The following NYNRIN variants were observed in gnomAD, a reference collection of about 807,000 sequenced individuals.
The protein encoded by NYNRIN is protein NYNRIN.
In NYNRIN, 86 loss-of-function variants were observed where a neutral mutation model predicts 146.6. The observed-to-expected ratio is 0.59, with a 90% CI of 0.49 to 0.70. NYNRIN has a LOEUF of 0.70. Ranked by LOEUF, NYNRIN falls within the 30% of genes least tolerant of loss-of-function variation. NYNRIN has a pLI of 0.00. For synonymous variants in NYNRIN, 1,027 were observed against 1,001.3 expected, an observed-to-expected ratio of 1.03 and a Z score of -0.48; for missense variants, 2,191 against 2,377.7, an observed-to-expected ratio of 0.92 and a Z score of 1.63.
Position 24,418,598 on chromosome 14 carries a change from AC to A in NYNRIN, c.*1155del, listed in dbSNP as rs2042964290. 1 of 163,494 alleles carries A rather than the reference AC, an allele frequency of 6.1e-6. No individual in the cohort carries two copies. The highest frequency in any genetic ancestry group is 1.3e-5 in the Non-Finnish European group (1 of 74,700). 10.1% of individuals were successfully genotyped at this position (163,494 alleles called of 1,614,324 possible). On this transcript the variant is annotated 3_prime_UTR_variant, in exon 9 of 9. Transcript: ENST00000382554. ...CTTCCAGGTGTGTGCGCGTACACTC[AC>A]CCTCTGAATTGCTGCCGCTGCCAAG...
rs758838841 is a variant in NYNRIN at position 24,409,827 on chromosome 14, C to G, written c.2033C>G (p.Pro678Arg). ...VPVTPRVSRA[P>R]KTPAAQKVPT... ...GTGACCCCCAGAGTCTCCAGAGCTC[C>G]CAAAACACCTGCAGCTCAGAAGGTG... Residue 678 changes from proline (P) to arginine (R), a missense_variant, in exon 4 of 9, where the codon CCC (proline) becomes CGC (arginine). Pro to Arg is a moderately radical substitution (Grantham distance 103). Around this residue, in one of 3 missense-constraint regions of NYNRIN, gnomAD observed 895 missense variants for 941.2 expected, o/e 0.95. Coordinates refer to ENST00000382554, the MANE Select transcript of NYNRIN (RefSeq NM_025081.3). 1.2e-6 allele frequency: 2 copies of G among 1,613,500 alleles called. No homozygotes were observed. The highest frequency in any genetic ancestry group is 3.3e-5 in the Admixed American group (2 of 59,944).
Position 24,414,889 on chromosome 14 carries a change from C to T in NYNRIN, c.3140C>T (p.Pro1047Leu), listed in dbSNP as rs1226576107. ...CTGCGGTGCCTCAGCCTCCATGATCCCCCTGATGGGGCCCTGGACATCGAC... is the reference window on the plus strand; with the variant it reads ...CTGCGGTGCCTCAGCCTCCATGATCTCCCTGATGGGGCCCTGGACATCGAC... Reference protein sequence around the residue: ...EILRCLSLHDPPDGALDIDLL... With the variant: ...EILRCLSLHDLPDGALDIDLL... The change falls in exon 9 of 9, where the codon CCC becomes CTC. Residue 1047 changes from proline (P) to leucine (L), a missense_variant. Transcript: ENST00000382554. 3.7e-6 allele frequency: 6 copies of T among 1,608,842 alleles called. No individual in the cohort carries two copies. The highest frequency in any genetic ancestry group is 5.1e-6 in the Non-Finnish European group (6 of 1,176,044).
intron 6 of NYNRIN, 64 bp from the exon 7 acceptor site, chr14:24,412,933 C>T: frequency 2.8e-6 from 3 of 1,075,952 alleles, no homozygotes; most frequent in Admixed American, 4.4e-5. Context: ...TTTATTTTCC[C>T]AGATGACCCA....
chr14:24,407,834 G>A, intron 2 of NYNRIN, 35 bp from the exon 3 acceptor site: 1 of 1,551,390 alleles, frequency 6.4e-7, no homozygotes, highest in East Asian at 2.3e-5. Flanking sequence ...GCCCCCAACG[G>A]GCTGACTTCA....
Position 24,413,108 on chromosome 14 carries a change from TC to T in NYNRIN, c.2744+14del. 6.4e-7 allele frequency: 1 copy of T among 1,552,844 alleles called. No individual in the cohort carries two copies. Among genetic ancestry groups the T allele is most frequent in the Non-Finnish European group, 8.8e-7 (1 of 1,140,188 alleles). Reference sequence around the variant, plus strand: ...TGATGGTCAAAGATCGGTAAGATGGTCCCCAGAGGCTTGAGCCATTCCTTCC... The same window carrying T: ...TGATGGTCAAAGATCGGTAAGATGGTCCCAGAGGCTTGAGCCATTCCTTCC... On this transcript the variant is annotated intron_variant, in intron 7 of 8. Transcript: ENST00000382554.
Position 24,416,153 on chromosome 14 carries a change from T to C in NYNRIN, c.4404T>C (p.Ser1468=). The change falls in exon 9 of 9, where the codon AGT becomes AGC. Residue 1468 remains serine, a synonymous_variant. Coordinates refer to ENST00000382554, the MANE Select transcript of NYNRIN (RefSeq NM_025081.3). ...LPKDVPAPTV[S]PHAMGKRPNL... ...AGGATGTGCCAGCCCCTACAGTGAG[T>C]CCCCATGCCATGGGCAAGAGGCCCA... is the stretch of plus-strand genomic sequence containing the variant. 6.2e-7 allele frequency: 1 copy of C among 1,613,764 alleles called. No homozygotes were observed. Among genetic ancestry groups the C allele is most frequent in the African/African-American group, 1.3e-5 (1 of 74,950 alleles).
intron 2 of NYNRIN, among the ~76,000 whole-genome samples, chr14:24,401,095 C>T (rs139842554): frequency 6.6e-6 from 1 of 152,290 alleles, no homozygotes; most frequent in African/African-American, 2.4e-5. Context: ...GGCCAGGACT[C>T]ACACTTTCGG....
chr14:24,413,643 A>G (rs1282889122), intron 8 of NYNRIN, among the ~76,000 whole-genome samples: 1 of 152,222 alleles, frequency 6.6e-6, no homozygotes, highest in African/African-American at 2.4e-5. Context: ...TTCTACATGC[A>G]TCCTTCCAAA....
rs756310955 is a variant in NYNRIN, at chr14:24,408,809, T to C, written c.1015T>C (p.Ser339Pro). Residue 339 changes from serine to proline, a missense_variant, in exon 4 of 9, where the codon TCA becomes CCA. By Grantham distance (74) the Ser-to-Pro change is moderately conservative. Transcript: ENST00000382554. ...TAAACTCCTCTTCCAACCTCCAGTA[T>C]CAGCCCTGGGTGTGTGCCCACCCTG... ...EDKLLFQPPV[S>P]ALGVCPPWKA... is the part of the protein sequence containing the mutation. 1 of 1,614,014 alleles carries C rather than the reference T, an allele frequency of 6.2e-7. No individual in the cohort carries two copies. Among genetic ancestry groups the C allele is most frequent in the Non-Finnish European group, 8.5e-7 (1 of 1,179,888 alleles).
In NYNRIN at chr14:24,410,069, C is replaced by G. The variant is rs2042902467; in HGVS notation, c.2275C>G (p.Leu759Val). Reference protein sequence around the residue: ...EGAPRQPPRHLQANSTVTSFQ... With the variant: ...EGAPRQPPRHVQANSTVTSFQ... ...GGCCCCAAGGCAGCCACCTCGCCAC[C>G]TGCAAGCGAACAGCACAGTGACCAG... The change falls in exon 4 of 9, where the codon CTG becomes GTG. Residue 759 changes from leucine (L) to valine (V), a missense_variant. This residue lies in a region of NYNRIN where 895 missense variants were observed against 941.2 expected (regional missense o/e 0.95). Transcript: ENST00000382554. 2 of 1,613,858 alleles carry G rather than the reference C, an allele frequency of 1.2e-6. No homozygotes were observed. Among genetic ancestry groups the G allele is most frequent in the Non-Finnish European group, 1.7e-6 (2 of 1,179,914 alleles).
intron 2 of NYNRIN, 100 bp from the exon 3 acceptor site, chr14:24,407,769 C>G: frequency 8.8e-7 from 1 of 1,139,208 alleles, no homozygotes. Flanking sequence ...GTGGTGGGGC[C>G]ACATGGTTAG....
rs759337395 is a variant in NYNRIN at position 24,415,739 on chromosome 14, T to C, written c.3990T>C (p.Tyr1330=). Residue 1330 remains tyrosine (Y), a synonymous_variant, in exon 9 of 9, where the codon TAT becomes TAC. Coordinates refer to ENST00000382554, the MANE Select transcript of NYNRIN (RefSeq NM_025081.3). ...EDEWCAGFGL[Y]VLSPTSPPVS... is the part of the protein sequence containing the mutation. ...AGTGGTGTGCTGGCTTTGGTCTCTA[T>C]GTTCTATCGCCCACCAGCCCCCCTG... 17 of 1,613,630 alleles carry C rather than the reference T, an allele frequency of 1.1e-5. 1 individual carries two copies. In the South Asian group the frequency reaches 1.9e-4, roughly 18 times the overall value.
chr14:24,412,543 G>A (rs1345749338), intron 6 of NYNRIN: 3 of 167,306 alleles, frequency 1.8e-5, no homozygotes, highest in Non-Finnish European at 2.5e-5. Context: ...ATTTGTGTGT[G>A]TGCTGTGTGG....
Position 24,409,537 on chromosome 14 carries a change from A to G in NYNRIN, c.1743A>G (p.Thr581=), listed in dbSNP as rs772226357. Residue 581 remains threonine (T), a synonymous_variant, in exon 4 of 9, where the codon ACA becomes ACG. Transcript: ENST00000382554. ...PTSRMMLAVH[T]EPAAPEVPLA... ...CTCGAATGATGCTGGCAGTGCACAC[A>G]GAGCCTGCAGCTCCCGAAGTGCCTT... 6.2e-7 allele frequency: 1 copy of G among 1,612,644 alleles called. No individual in the cohort carries two copies. The highest frequency in any genetic ancestry group is 8.5e-7 in the Non-Finnish European group (1 of 1,179,282).
chr14:24,399,200 C>CG lies in NYNRIN; in HGVS notation c.-17-27dup, dbSNP rs770357435. On this transcript the variant is annotated intron_variant, in intron 1 of 8. Coordinates refer to ENST00000382554, the MANE Select transcript of NYNRIN (RefSeq NM_025081.3). Reference sequence around the variant, plus strand: ...CTGGGGCGCCTGCCGCCCCGAGACCCGGGTGACACTATCGTCTCCTTCGTT... The same window carrying CG: ...CTGGGGCGCCTGCCGCCCCGAGACCCGGGGTGACACTATCGTCTCCTTCGTT... 4.4e-6 allele frequency: 7 copies of CG among 1,581,604 alleles called. 1 individual carries two copies. In the Admixed American group the frequency reaches 1.2e-4, roughly 27 times the overall value.
chr14:24,399,987 C>T (rs759317873), intron 2 of NYNRIN, among the ~76,000 whole-genome samples: 1 of 152,158 alleles, frequency 6.6e-6, no homozygotes, highest in Non-Finnish European at 1.5e-5. Flanking sequence ...AGATGAGGTA[C>T]TGGTGGCCAG....
At chr14:24,405,671 C>T (rs1418801966) in intron 2 of NYNRIN, among the ~76,000 whole-genome samples, 1 of 152,138 alleles carries the variant, frequency 6.6e-6, no homozygotes, top group Non-Finnish European at 1.5e-5. Flanking sequence ...AGTATCCCAG[C>T]CTACTAACTG....
In NYNRIN at chr14:24,411,488, G is replaced by C. The variant is rs771828948; in HGVS notation, c.2642+38G>C. The C allele has an allele frequency of 1.9e-6, 3 of 1,574,520 alleles. No homozygotes were observed. The highest frequency in any genetic ancestry group is 2.6e-6 in the Non-Finnish European group (3 of 1,144,398). On this transcript the variant is annotated intron_variant, in intron 6 of 8. Transcript: ENST00000382554. This position sits in a 1 kb window ranked among gnomAD's most constrained non-coding sequence, Gnocchi z 4.3. Reference sequence around the variant, plus strand: ...CCAGGCCTGCCCTCCTGGGCTCAGGGAGTTGGGCCTGGCTGGTGTGTCAGG... The same window carrying C: ...CCAGGCCTGCCCTCCTGGGCTCAGGCAGTTGGGCCTGGCTGGTGTGTCAGG...
In NYNRIN at chr14:24,409,398, C is replaced by T. The variant is rs1171716968; in HGVS notation, c.1604C>T (p.Pro535Leu). The T allele has an allele frequency of 2.5e-6, 4 of 1,614,038 alleles. No homozygotes were observed. Among genetic ancestry groups the T allele is most frequent in the Admixed American group, 3.3e-5 (2 of 60,024 alleles). ...AQGGLTDQSVPGAQTVPETLK... is the reference protein window; with the variant it reads ...AQGGLTDQSVLGAQTVPETLK... ...GGGGGGCTGACAGATCAGTCAGTAC[C>T]TGGAGCTCAAACAGTGCCTGAAACT... The change falls in exon 4 of 9, where the codon CCT (proline) becomes CTT (leucine). Residue 535 changes from proline to leucine, a missense_variant. Physicochemically the swap from Pro to Leu is moderately conservative, Grantham distance 98. This residue lies in a region of NYNRIN where 895 missense variants were observed against 941.2 expected (regional missense o/e 0.95). Transcript: ENST00000382554.
Sources: allele counts gnomAD v4.1 joint callset (sites outside exome capture counted in the v4.1 genomes callset), GRCh38; gene constraint gnomAD v4.1.1; regional missense constraint gnomAD v4.1.1; non-coding constraint Gnocchi (gnomAD v3.1); transcripts MANE v1.5; gene names NCBI Gene and HGNC (gene_info 2026-07-23, HGNC 2026-07-21).